The following ABCC11 variants were observed in gnomAD, a reference collection of about 807,000 sequenced individuals.
The protein encoded by ABCC11 is ATP binding cassette subfamily C member 11.
ABCC11 carries 135 observed loss-of-function variants against 149.3 expected under a neutral mutation model. The ratio of observed to expected loss-of-function variants is 0.90; its 90% confidence interval spans 0.79 to 1.04. The LOEUF is 1.04. ABCC11 is among the 50% of genes least tolerant of loss of function. The pLI is 0.00. For missense variants in ABCC11, 1,680 were observed against 1,722.1 expected, an observed-to-expected ratio of 0.98 and a Z score of 0.43; for synonymous variants, 665 against 671.4, an observed-to-expected ratio of 0.99 and a Z score of 0.15.
chr16:48,231,190 C>CTTA (rs148995256), intron 2 of ABCC11, among the ~76,000 whole-genome samples: 1,695 of 151,192 alleles, frequency 0.011, 23 homozygotes, highest in Non-Finnish European at 0.016. Context: ...TTTGCAGATG[C>CTTA]TTATTATTAT....
Position 48,205,357 on chromosome 16 carries a change from T to C in ABCC11, c.1805+56A>G. On this transcript the variant is annotated intron_variant, in intron 13 of 29. Coordinates refer to ENST00000356608, the MANE Select transcript of ABCC11 (RefSeq NM_001370497.1). The stretch of plus-strand genomic sequence containing the variant: ...TCAGGTTACCGTTTGAAGCTGGAGG[T>C]GCCCCCAGACCAGCCACATGCCCTG... The C allele has an allele frequency of 2.5e-6, 4 of 1,602,230 alleles. No individual in the cohort carries two copies. The South Asian group carries it at 4.4e-5, about 18-fold the overall frequency.
intron 20 of ABCC11, 27 bp from the exon 21 acceptor site, chr16:48,187,454 A>G: frequency 6.4e-7 from 1 of 1,567,156 alleles, no homozygotes; most frequent in Non-Finnish European, 8.7e-7. Context: ...AACGCAGACC[A>G]TGAGAGAAGC....
chr16:48,169,063 A>AAT (rs536334021), intron 28 of ABCC11, among the ~76,000 whole-genome samples: 125 of 152,192 alleles, frequency 8.2e-4, no homozygotes, highest in Admixed American at 2.1e-3. Context: ...AAATTTAAAA[A>AAT]ATATATATAT....
At chr16:48,188,346 C>T (rs753443827) in intron 20 of ABCC11, among the ~76,000 whole-genome samples, 5 of 152,216 alleles carry the variant, frequency 3.3e-5, no homozygotes, top group African/African-American at 7.2e-5. Flanking sequence ...TACCTGCCCT[C>T]CATCACCCCC....
At chr16:48,218,423 G>A (rs1969497045) in intron 6 of ABCC11, among the ~76,000 whole-genome samples, 1 of 152,170 alleles carries the variant, frequency 6.6e-6, no homozygotes, top group Admixed American at 6.5e-5. Context: ...CCACGTCTCT[G>A]TGCCTCTGTC....
rs1013222190 is a variant in ABCC11 at position 48,194,906 on chromosome 16, A to G, written c.2405-924T>C. 2.7e-4 allele frequency among the ~76,000 whole-genome samples: 41 copies of G among 152,248 alleles called. 1 individual carries two copies. The highest frequency in any genetic ancestry group is 4.4e-5 in the Non-Finnish European group (3 of 68,046). On this transcript the variant is annotated intron_variant, in intron 18 of 29. Coordinates refer to ENST00000356608, the MANE Select transcript of ABCC11 (RefSeq NM_001370497.1). ...TTGTTACAGCAGCACAAATAGGCTA[A>G]TAAAATGAGGAAACTTAATCTGAGA...
Position 48,216,149 on chromosome 16 carries a change from C to T in ABCC11, c.916G>A (p.Ala306Thr). ...YFIIGYTAFI[A>T]ILCYLLVFPL... ...AAAACCAGGAGATAGCATAAGATGG[C>T]AATAAATGCAGTGTATCCAATAATG... Residue 306 changes from alanine to threonine, a missense_variant, in exon 7 of 30, where the codon GCC (alanine) becomes ACC (threonine). Ala to Thr is a moderately conservative substitution (Grantham distance 58). Coordinates refer to ENST00000356608, the MANE Select transcript of ABCC11 (RefSeq NM_001370497.1). 6.2e-7 allele frequency: 1 copy of T among 1,614,084 alleles called. No individual in the cohort carries two copies. Among genetic ancestry groups the T allele is most frequent in the South Asian group, 1.1e-5 (1 of 91,072 alleles).
chr16:48,176,879 G>C (rs1596667908), intron 25 of ABCC11, 45 bp downstream of exon 25: 2 of 1,593,484 alleles, frequency 1.3e-6, no homozygotes, highest in Middle Eastern at 2.2e-4. Context: ...GTGCCCAAAG[G>C]GCAAAGGAGG....
chr16:48,167,359 T>TCTACCACCTGGAGGGTAGAGAAAGG lies in ABCC11; in HGVS notation c.4057-18_4063dup (p.Glu1355AlafsTer11). The TCTACCACCTGGAGGGTAGAGAAAGG allele has an allele frequency of 7.5e-7, 1 of 1,336,176 alleles. No individual in the cohort carries two copies. Among genetic ancestry groups the TCTACCACCTGGAGGGTAGAGAAAGG allele is most frequent in the Non-Finnish European group, 1.1e-6 (1 of 926,302 alleles). The allele number at this position is 1,336,176 out of a possible 1,614,324, so 82.8% of individuals were successfully genotyped here. On this transcript the variant is annotated frameshift_variant, in exon 30 of 30. Coordinates refer to ENST00000356608, the MANE Select transcript of ABCC11 (RefSeq NM_001370497.1). LOFTEE classifies it low-confidence loss of function (END_TRUNC). ...CCGCAGTACCTCCGGCCGATCAAAT[T>TCTACCACCTGGAGGGTAGAGAAAGG]CTACCACCTGGAGGGTAGAGAAAGG... is the stretch of plus-strand genomic sequence containing the variant.
At chr16:48,244,415 C>T in intron 1 of ABCC11, 2 of 1,580,716 alleles carry the variant, frequency 1.3e-6, no homozygotes, top group South Asian at 1.1e-5. Context: ...CCATCCAGAT[C>T]CCCAGTCGCC....
chr16:48,231,524 G>A (rs951846224), intron 2 of ABCC11, among the ~76,000 whole-genome samples: 7 of 151,866 alleles, frequency 4.6e-5, no homozygotes, highest in East Asian at 3.9e-4. Flanking sequence ...TTAGCTGGGC[G>A]TAGTGGTATG....
intron 14 of ABCC11, among the ~76,000 whole-genome samples, chr16:48,202,482 A>G (rs532156292): frequency 1.3e-5 from 2 of 152,124 alleles, no homozygotes; most frequent in East Asian, 3.9e-4. Flanking sequence ...CTGGAGGTGC[A>G]TGCCTGTAAT....
At chr16:48,174,039 G>C (rs1357602277) in intron 26 of ABCC11, among the ~76,000 whole-genome samples, 1 of 152,164 alleles carries the variant, frequency 6.6e-6, no homozygotes, top group African/African-American at 2.4e-5. Flanking sequence ...TCAAGACCCT[G>C]ATCAAATGTC....
chr16:48,200,565 A>C (rs1967877308), intron 14 of ABCC11, 86 bp from the exon 15 acceptor site: 1 of 1,408,358 alleles, frequency 7.1e-7, no homozygotes. Flanking sequence ...TAGCAGACAG[A>C]ACCCCCTCAG....
chr16:48,182,377 G>C (rs780252048), intron 23 of ABCC11, among the ~76,000 whole-genome samples: 2 of 152,058 alleles, frequency 1.3e-5, no homozygotes, highest in Admixed American at 6.5e-5. Context: ...TAACAGCTGG[G>C]CTGACTGGGA....
intron 10 of ABCC11, among the ~76,000 whole-genome samples, chr16:48,212,650 C>A (rs1969022838): frequency 6.6e-6 from 1 of 152,122 alleles, no homozygotes; most frequent in Admixed American, 6.5e-5. Flanking sequence ...GTTTCCAATA[C>A]CAAATCAGAA....
chr16:48,226,823 A>G (rs181449864), intron 4 of ABCC11, among the ~76,000 whole-genome samples: 15 of 152,320 alleles, frequency 9.8e-5, no homozygotes, highest in Non-Finnish European at 1.8e-4. Context: ...ACACCTGGCT[A>G]TAACACAACA....
chr16:48,165,693 C>G (rs901429681), downstream of ABCC11: 1 of 152,194 alleles, frequency 6.6e-6, no homozygotes, highest in Non-Finnish European at 1.5e-5. Context: ...GTTTACTTAC[C>G]CTCACGAGAT....
chr16:48,174,551 A>G (rs1965916433), intron 26 of ABCC11, among the ~76,000 whole-genome samples: 1 of 150,468 alleles, frequency 6.6e-6, no homozygotes, highest in South Asian at 2.1e-4. Context: ...GAGGACACAG[A>G]AAGTGTAGTG....
Sources: gnomAD v4.1 joint callset for allele counts (sites outside exome capture counted in the v4.1 genomes callset) on GRCh38, gnomAD v4.1.1 for gene constraint, MANE v1.5 for transcripts, NCBI Gene and HGNC (gene_info 2026-07-23, HGNC 2026-07-21) for gene names.